Variants in BIRC5 observed in about 807,000 individuals in gnomAD.
The protein encoded by BIRC5 is baculoviral IAP repeat containing 5, also known as baculoviral IAP repeat-containing protein 5.
BIRC5 carries 8 observed loss-of-function variants against 15.8 expected under a neutral mutation model. That is an observed-to-expected ratio of 0.51 (90% CI 0.30 to 0.91). The LOEUF is 0.91. Among genes scored for constraint, BIRC5 ranks in the 40% least tolerant of loss-of-function variants. BIRC5 has a pLI of 0.07. For missense variants in BIRC5, 163 were observed against 178.6 expected (o/e 0.91, Z 0.50); for synonymous variants, 56 against 64.5 (o/e 0.87, Z 0.63).
At position 78,223,699 on chromosome 17, in the gene BIRC5, CTCT is replaced by C; in HGVS notation, c.*147_*149del. 2.7e-6 allele frequency: 4 copies of C among 1,465,924 alleles called. No individual in the cohort carries two copies. The highest frequency in any genetic ancestry group is 3.6e-6 in the Non-Finnish European group (4 of 1,102,492). The allele number at this position is 1,465,924 out of a possible 1,614,324, so 90.8% of individuals were successfully genotyped here. A position where few individuals can be genotyped will look rare whatever the true frequency, so the allele number is the denominator to read the frequency against. On this transcript the variant is annotated 3_prime_UTR_variant, in exon 4 of 4. Coordinates refer to ENST00000350051, the MANE Select transcript of BIRC5 (RefSeq NM_001168.3). ...TTTCAAATTAGATGTTTCAACTGTG[CTCT>C]TGTTTTGTCTTGAAAGTGGCACCAG...
At chr17:78,220,644 T>C (rs1315556274) in intron 3 of BIRC5, among the ~76,000 whole-genome samples, 1 of 152,200 alleles carries the variant, frequency 6.6e-6, no homozygotes, top group Non-Finnish European at 1.5e-5. Context: ...TTTTTGTTTG[T>C]TTGTTTTCCC....
rs1567867388 is a variant in BIRC5 at position 78,224,051 on chromosome 17, G to GTGTTTTTTTTTTTTTTTTTT, written c.*498_*499insGTTTTTTTTTTTTTTTTTTT. On this transcript the variant is annotated 3_prime_UTR_variant, in exon 4 of 4. Coordinates refer to ENST00000350051, the MANE Select transcript of BIRC5 (RefSeq NM_001168.3). ...CTCCTCAGAGGACAGTTTTTTTGTT[G>GTGTTTTTTTTTTTTTTTTTT]TTGTGTTTTTTTGTTTTTTTTTTTT... 2.6e-5 allele frequency: 3 copies of GTGTTTTTTTTTTTTTTTTTT among 114,834 alleles called. No homozygotes were observed. Among genetic ancestry groups the GTGTTTTTTTTTTTTTTTTTT allele is most frequent in the Non-Finnish European group, 3.6e-5 (2 of 55,484 alleles). The allele number at this position is 114,834 out of a possible 1,614,324, so 7.1% of individuals were successfully genotyped here.
rs2076528515 is a variant in BIRC5 at position 78,223,504 on chromosome 17, A to G, written c.379A>G (p.Thr127Ala). The change falls in exon 4 of 4, where the codon ACT becomes GCT. Residue 127 changes from threonine to alanine, a missense_variant. Transcript: ENST00000350051. Reference protein sequence around the residue: ...TNNKKKEFEETAEKVRRAIEQ... With the variant: ...TNNKKKEFEEAAEKVRRAIEQ... The stretch of plus-strand genomic sequence containing the variant: ...CAATAAGAAGAAAGAATTTGAGGAA[A>G]CTGCGGAGAAAGTGCGCCGTGCCAT... 2 of 1,607,184 alleles carry G rather than the reference A, an allele frequency of 1.2e-6. No homozygotes were observed. Among genetic ancestry groups the G allele is most frequent in the Non-Finnish European group, 1.7e-6 (2 of 1,177,008 alleles).
At chr17:78,222,633 C>G (rs2076522850) in intron 3 of BIRC5, among the ~76,000 whole-genome samples, 1 of 152,170 alleles carries the variant, frequency 6.6e-6, no homozygotes, top group Non-Finnish European at 1.5e-5. Flanking sequence ...CCTTTGCACA[C>G]CAGCCAAGGC....
At chr17:78,217,140 A>G (rs2076484295) in intron 3 of BIRC5, among the ~76,000 whole-genome samples, 1 of 150,748 alleles carries the variant, frequency 6.6e-6, no homozygotes, top group Admixed American at 6.6e-5. Flanking sequence ...GGCCTCCCAA[A>G]GTGCTGGGAT....
chr17:78,215,714 C>T (rs1050456013), intron 2 of BIRC5, among the ~76,000 whole-genome samples: 1 of 152,252 alleles, frequency 6.6e-6, no homozygotes, highest in South Asian at 2.1e-4. Context: ...ACTGCATCCC[C>T]GTAATCACTG....
At chr17:78,214,880 T>G in intron 2 of BIRC5, 91 bp downstream of exon 2, 4 of 1,205,712 alleles carry the variant, frequency 3.3e-6, no homozygotes, top group African/African-American at 1.5e-5. Flanking sequence ...ATGGGAGGGT[T>G]GCTTTCCACC....
rs1417770265 is a variant in BIRC5, at chr17:78,217,642, G to A, written c.339+861G>A. On this transcript the variant is annotated intron_variant, in intron 3 of 3. Transcript: ENST00000350051. ...CTCCCGAGTAGCTGGGACTACAGGC[G>A]CCCGCCACCACACCCGGCTAATTTT... 1.7e-4 allele frequency among the ~76,000 whole-genome samples: 26 copies of A among 151,730 alleles called. 1 individual carries two copies. The South Asian group carries it at 4.0e-3, about 23-fold the overall frequency.
At position 78,217,181 on chromosome 17, in the gene BIRC5, T is replaced by G. The variant is rs564369555; in HGVS notation, c.339+400T>G. 2.3e-4 allele frequency among the ~76,000 whole-genome samples: 35 copies of G among 150,088 alleles called. 1 individual carries two copies. In the South Asian group the frequency reaches 6.8e-3, roughly 29 times the overall value. On this transcript the variant is annotated intron_variant, in intron 3 of 3. Coordinates refer to ENST00000350051, the MANE Select transcript of BIRC5 (RefSeq NM_001168.3). ...GCGTGAACCACCACGCCTGGCTTTT[T>G]TTTTTTTGTTCTGAGACACAGTTTC...
rs1266665503 is a variant in BIRC5, at chr17:78,225,145, A to C, written c.*1591A>C. The C allele has an allele frequency of 3.3e-5, 5 of 151,926 alleles. No individual in the cohort carries two copies. The highest frequency in any genetic ancestry group is 1.2e-4 in the African/African-American group (5 of 41,316). The allele number at this position is 151,926 out of a possible 1,614,324, so 9.4% of individuals were successfully genotyped here. On this transcript the variant is annotated 3_prime_UTR_variant, in exon 4 of 4. Transcript: ENST00000350051. The stretch of plus-strand genomic sequence containing the variant: ...CTGGAAAAAAATGGTTTTGTCTTCA[A>C]CTCCTTTGCATGCCAGGCGGTGATG...
chr17:78,223,043 A>G (rs1444141036), intron 3 of BIRC5: 19 of 590,624 alleles, frequency 3.2e-5, no homozygotes, highest in Non-Finnish European at 3.9e-5. Context: ...TGGGGTGCCT[A>G]GACTAGCTGG....
chr17:78,215,941 C>T (rs2076474237), intron 2 of BIRC5: 2 of 1,065,836 alleles, frequency 1.9e-6, no homozygotes, highest in Non-Finnish European at 2.3e-6. Flanking sequence ...GCAATAATGC[C>T]CTTCTCTGCC....
rs2076535729 is a variant in BIRC5, at chr17:78,224,325, A to G, written c.*771A>G. 6.6e-6 allele frequency: 1 copy of G among 152,216 alleles called. No individual in the cohort carries two copies. The highest frequency in any genetic ancestry group is 1.5e-5 in the Non-Finnish European group (1 of 68,040). 9.4% of individuals were successfully genotyped at this position (152,216 alleles called of 1,614,324 possible). ...ATACTCCTTTTGCCACTGCTGTGTGATTAGACAGGCCCAGTGAGCCGCGGG... is the reference window on the plus strand; with the variant it reads ...ATACTCCTTTTGCCACTGCTGTGTGGTTAGACAGGCCCAGTGAGCCGCGGG... On this transcript the variant is annotated 3_prime_UTR_variant, in exon 4 of 4. Transcript: ENST00000350051.
At chr17:78,222,459 G>A (rs2076521632) in intron 3 of BIRC5, among the ~76,000 whole-genome samples, 1 of 152,006 alleles carries the variant, frequency 6.6e-6, no homozygotes, top group South Asian at 2.1e-4. Context: ...ATGAGATCAT[G>A]AGTTCGAGAC....
chr17:78,221,466 G>A (rs959707892), intron 3 of BIRC5, among the ~76,000 whole-genome samples: 5 of 151,134 alleles, frequency 3.3e-5, no homozygotes, highest in Non-Finnish European at 7.4e-5. Context: ...TCACTCTGTC[G>A]CCCAGGCTGG....
At chr17:78,215,523 C>T (rs867318008) in intron 2 of BIRC5, among the ~76,000 whole-genome samples, 2 of 151,826 alleles carry the variant, frequency 1.3e-5, no homozygotes, top group Non-Finnish European at 2.9e-5. Context: ...ATTCTGTACT[C>T]GGATGGTATC....
At chr17:78,215,318 A>G (rs879569273) in intron 2 of BIRC5, among the ~76,000 whole-genome samples, 6 of 152,050 alleles carry the variant, frequency 3.9e-5, no homozygotes, top group East Asian at 1.9e-4. Context: ...TCGGGAGGCT[A>G]AGGCAGGAGA....
At position 78,224,118 on chromosome 17, in the gene BIRC5, G is replaced by C. The variant is rs2145902533; in HGVS notation, c.*564G>C. 1 of 151,796 alleles carries C rather than the reference G, an allele frequency of 6.6e-6. No homozygotes were observed. Among genetic ancestry groups the C allele is most frequent in the South Asian group, 2.1e-4 (1 of 4,768 alleles). The allele number at this position is 151,796 out of a possible 1,614,324, so 9.4% of individuals were successfully genotyped here. A position where few individuals can be genotyped will look rare whatever the true frequency, so the allele number is the denominator to read the frequency against. ...TGTGTGTGATGAGAGAATGGAGACAGAGTCCCTGGCTCCTCTACTGTTTAA... is the reference window on the plus strand; with the variant it reads ...TGTGTGTGATGAGAGAATGGAGACACAGTCCCTGGCTCCTCTACTGTTTAA... On this transcript the variant is annotated 3_prime_UTR_variant, in exon 4 of 4. Transcript: ENST00000350051.
At chr17:78,223,073 G>T (rs1599033413) in intron 3 of BIRC5, 1 of 875,638 alleles carries the variant, frequency 1.1e-6, no homozygotes, top group Non-Finnish European at 1.5e-6. Context: ...ACTAGCTGGG[G>T]TGCCTAGACT....
Sources: allele counts gnomAD v4.1 joint callset (sites outside exome capture counted in the v4.1 genomes callset), GRCh38; gene constraint gnomAD v4.1.1; transcripts MANE v1.5; gene names NCBI Gene and HGNC (gene_info 2026-07-23, HGNC 2026-07-21).